The following NELL2 variants were observed in gnomAD, a reference collection of about 807,000 sequenced individuals.
The protein encoded by NELL2 is protein kinase C-binding protein NELL2.
A neutral mutation model predicts 109.6 loss-of-function variants in NELL2; 41 were observed. That is an observed-to-expected ratio of 0.37 (90% confidence interval 0.29 to 0.49). NELL2 has a LOEUF of 0.49. Ranked by LOEUF, NELL2 falls within the 20% of genes least tolerant of loss-of-function variation. NELL2 has a pLI of 0.98. For synonymous variants in NELL2, 355 were observed against 344.7 expected, an observed-to-expected ratio of 1.03 and a Z score of -0.33; for missense variants, 900 against 1,008.3, an observed-to-expected ratio of 0.89 and a Z score of 1.45.
chr12:44,875,820 C>G lies in NELL2; in HGVS notation c.50G>C (p.Gly17Ala), dbSNP rs141722945. 4.3e-6 allele frequency: 7 copies of G among 1,613,868 alleles called. No homozygotes were observed. In the African/African-American group the frequency reaches 9.3e-5, roughly 22 times the overall value. The change falls in exon 1 of 20, where the codon GGA becomes GCA. Residue 17 changes from glycine to alanine, a missense_variant. Around this residue, in one of 4 missense-constraint regions of NELL2, gnomAD observed 200 missense variants for 191.8 expected, o/e 1.04. Coordinates refer to ENST00000429094, the MANE Select transcript of NELL2 (RefSeq NM_001145108.2). ...CCAGCTCTGCGGCCACTCACCTGCTCCGAGACCGAAGATCAAACAGAATGT... is the reference window on the plus strand; with the variant it reads ...CCAGCTCTGCGGCCACTCACCTGCTGCGAGACCGAAGATCAAACAGAATGT... Reference protein sequence around the residue: ...LRTFCLIFGLGAVWGLGVDPS... With the variant: ...LRTFCLIFGLAAVWGLGVDPS...
chr12:44,649,240 TCTGC>T (rs941916321), intron 13 of NELL2, among the ~76,000 whole-genome samples: 5 of 151,076 alleles, frequency 3.3e-5, no homozygotes, highest in African/African-American at 7.3e-5. Context: ...CTCCTTCTTG[TCTGC>T]CTGCCTGCCT....
chr12:44,623,690 G>T (rs1466287814), intron 13 of NELL2, among the ~76,000 whole-genome samples: 1 of 152,078 alleles, frequency 6.6e-6, no homozygotes, highest in Non-Finnish European at 1.5e-5. Context: ...TTCCCTGGTG[G>T]TTTCTCACAC....
At chr12:44,689,642 T>G (rs1948839148) in intron 12 of NELL2, among the ~76,000 whole-genome samples, 1 of 152,214 alleles carries the variant, frequency 6.6e-6, no homozygotes, top group African/African-American at 2.4e-5. Flanking sequence ...CATACAACCA[T>G]GCTCCTTTTC....
At chr12:44,556,633 G>GGTACTAACCCA (rs1943265868) in intron 15 of NELL2, among the ~76,000 whole-genome samples, 1 of 152,156 alleles carries the variant, frequency 6.6e-6, no homozygotes, top group African/African-American at 2.4e-5. Context: ...CTTTGTTAAA[G>GGTACTAACCCA]GTACTAACCC....
chr12:44,550,120 T>C (rs893520025), intron 15 of NELL2, among the ~76,000 whole-genome samples: 8 of 151,714 alleles, frequency 5.3e-5, no homozygotes, highest in African/African-American at 1.9e-4. Flanking sequence ...TCAACAAGAG[T>C]GCCAAGAATA....
chr12:44,790,718 C>T (rs1942351410), intron 3 of NELL2, among the ~76,000 whole-genome samples: 2 of 151,608 alleles, frequency 1.3e-5, no homozygotes, highest in South Asian at 4.2e-4. Context: ...AGATACAGAA[C>T]CGTAGAATGG....
intron 13 of NELL2, among the ~76,000 whole-genome samples, chr12:44,641,000 A>T (rs976251751): frequency 6.6e-6 from 1 of 152,214 alleles, no homozygotes; most frequent in Non-Finnish European, 1.5e-5. Context: ...CAGAATTCTT[A>T]CAGCTATGTT....
chr12:44,570,352 C>G (rs1330412186), intron 15 of NELL2, among the ~76,000 whole-genome samples: 2 of 152,140 alleles, frequency 1.3e-5, no homozygotes, highest in East Asian at 3.8e-4. Flanking sequence ...CCATGTAGCC[C>G]TGTTAACATT....
intron 15 of NELL2, among the ~76,000 whole-genome samples, chr12:44,554,147 A>G (rs1565916301): frequency 6.6e-6 from 1 of 152,182 alleles, no homozygotes. Context: ...AAAATAATGT[A>G]GCCTTCTGAT....
intron 18 of NELL2, among the ~76,000 whole-genome samples, chr12:44,521,321 G>C (rs1004262911): frequency 1.3e-5 from 2 of 152,038 alleles, no homozygotes; most frequent in African/African-American, 4.8e-5. Context: ...ACGAGGTCAG[G>C]AGATCGAGAC....
At chr12:44,512,162 G>A (rs758972302) in intron 19 of NELL2, among the ~76,000 whole-genome samples, 8 of 152,026 alleles carry the variant, frequency 5.3e-5, no homozygotes, top group Non-Finnish European at 1.0e-4. Flanking sequence ...ATTAAAAATG[G>A]GCAAAGGATT....
At chr12:44,556,754 G>A (rs545589640) in intron 15 of NELL2, among the ~76,000 whole-genome samples, 5 of 152,262 alleles carry the variant, frequency 3.3e-5, no homozygotes, top group African/African-American at 4.8e-5. Flanking sequence ...TGCCAGAAAC[G>A]CTATGCAAAG....
upstream of NELL2, chr12:44,876,362 G>A (rs1945325064): frequency 5.7e-6 from 7 of 1,222,738 alleles, no homozygotes; most frequent in Non-Finnish European, 6.1e-6. Context: ...CTCCGGGGAG[G>A]GAGGGGCGGG....
In NELL2 at chr12:44,646,125, T is replaced by C. The variant is rs886954367; in HGVS notation, c.1444+19359A>G. 5.3e-5 allele frequency among the ~76,000 whole-genome samples: 8 copies of C among 152,060 alleles called. No homozygotes were observed. In the East Asian group the frequency reaches 1.3e-3, roughly 26 times the overall value. ...TGCCTTCCAAATAGCAGCAAATAAATAGTACTTTTTTTTAAACCACTTGTT... is the reference window on the plus strand; with the variant it reads ...TGCCTTCCAAATAGCAGCAAATAAACAGTACTTTTTTTTAAACCACTTGTT... On this transcript the variant is annotated intron_variant, in intron 13 of 19. Transcript: ENST00000429094.
chr12:44,903,161 T>C, intron 1 of NELL2, among the ~76,000 whole-genome samples: 1 of 151,868 alleles, frequency 6.6e-6, no homozygotes, highest in East Asian at 1.9e-4. Flanking sequence ...GGGGCTAATA[T>C]CCAGAAGCTA....
intron 19 of NELL2, among the ~76,000 whole-genome samples, chr12:44,518,436 G>A (rs935050013): frequency 1.3e-5 from 2 of 151,878 alleles, no homozygotes; most frequent in African/African-American, 2.4e-5. Flanking sequence ...TAGTAGAGAC[G>A]GGGTTTCACC....
At chr12:44,818,823 A>C (rs1040238221) in intron 2 of NELL2, among the ~76,000 whole-genome samples, 1 of 142,478 alleles carries the variant, frequency 7.0e-6, no homozygotes, top group African/African-American at 2.6e-5. Flanking sequence ...GCTCACTGCA[A>C]GCTCCGCTTC....
chr12:44,697,009 GGAAATGGCAACTTTAAAT>G (rs1055403186), intron 12 of NELL2, among the ~76,000 whole-genome samples: 2 of 152,094 alleles, frequency 1.3e-5, no homozygotes, highest in Non-Finnish European at 2.9e-5. Flanking sequence ...GTAGGCTCTT[GGAAATGGCAACTTTAAAT>G]GAAATGGCAT....
At chr12:44,796,290 A>T (rs915794971) in intron 3 of NELL2, among the ~76,000 whole-genome samples, 1 of 152,122 alleles carries the variant, frequency 6.6e-6, no homozygotes, top group Non-Finnish European at 1.5e-5. Context: ...TTAACTAAGT[A>T]TGAATTTCAT....
Sources: gnomAD v4.1 joint callset for allele counts (sites outside exome capture counted in the v4.1 genomes callset) on GRCh38, gnomAD v4.1.1 for gene constraint, gnomAD v4.1.1 regional missense constraint, MANE v1.5 for transcripts, NCBI Gene and HGNC (gene_info 2026-07-23, HGNC 2026-07-21) for gene names.